The following ANTXR1 variants were observed in gnomAD, a reference collection of about 807,000 sequenced individuals.
The protein encoded by ANTXR1 is ANTXR cell adhesion molecule 1, also known as anthrax toxin receptor 1.
Under a neutral mutation model 78.1 loss-of-function variants are expected in ANTXR1, and 19 were observed. The observed-to-expected ratio is 0.24, with a 90% CI of 0.17 to 0.36. ANTXR1 has a LOEUF of 0.36. ANTXR1 is among the 10% of genes least tolerant of loss of function. The pLI is 1.00. For missense variants in ANTXR1, 518 were observed against 718.6 expected (o/e 0.72, Z 3.19); for synonymous variants, 273 against 260.5 (o/e 1.05, Z -0.46).
At chr2:69,138,931 T>C (rs1043822004) in intron 12 of ANTXR1, among the ~76,000 whole-genome samples, 1 of 152,200 alleles carries the variant, frequency 6.6e-6, no homozygotes, top group Non-Finnish European at 1.5e-5. Flanking sequence ...TAGGTATCTA[T>C]AAAGCTCAAG....
intron 1 of ANTXR1, among the ~76,000 whole-genome samples, chr2:69,025,798 C>G (rs1378400259): frequency 6.6e-6 from 1 of 152,176 alleles, no homozygotes; most frequent in Non-Finnish European, 1.5e-5. Context: ...CAGGACAGGC[C>G]TGGTCTATGC....
intron 9 of ANTXR1, among the ~76,000 whole-genome samples, chr2:69,101,902 A>G (rs1671633884): frequency 6.6e-6 from 1 of 152,240 alleles, no homozygotes; most frequent in Non-Finnish European, 1.5e-5. Flanking sequence ...AATATTCCCA[A>G]ACATTTAGCC....
intron 3 of ANTXR1, among the ~76,000 whole-genome samples, chr2:69,056,798 T>C (rs946985847): frequency 2.6e-5 from 4 of 152,098 alleles, no homozygotes; most frequent in Admixed American, 6.5e-5. Context: ...CTCAGCCTCC[T>C]GAGTAGCTGG....
chr2:69,022,807 T>G (rs1368215028), intron 1 of ANTXR1, among the ~76,000 whole-genome samples: 1 of 152,206 alleles, frequency 6.6e-6, no homozygotes, highest in East Asian at 1.9e-4. Context: ...GCACACACCT[T>G]GGAGCTGGGC....
chr2:69,150,671 A>T (rs1237915183), intron 12 of ANTXR1, among the ~76,000 whole-genome samples: 1 of 87,840 alleles, frequency 1.1e-5, no homozygotes, highest in African/African-American at 6.5e-5. Context: ...CATATACATA[A>T]ATCCATTATA....
chr2:69,236,361 T>G (rs1161651454), intron 17 of ANTXR1, among the ~76,000 whole-genome samples: 1 of 152,226 alleles, frequency 6.6e-6, no homozygotes, highest in Non-Finnish European at 1.5e-5. Context: ...TACACACATA[T>G]ATCTTTACAT....
intron 4 of ANTXR1, among the ~76,000 whole-genome samples, chr2:69,071,265 G>A (rs1032209741): frequency 6.6e-6 from 1 of 152,154 alleles, no homozygotes; most frequent in Non-Finnish European, 1.5e-5. Flanking sequence ...ATCATAGTGT[G>A]TACTTACACA....
intron 17 of ANTXR1, among the ~76,000 whole-genome samples, chr2:69,229,709 C>G (rs1384167812): frequency 6.6e-6 from 1 of 150,568 alleles, no homozygotes; most frequent in Non-Finnish European, 1.5e-5. Flanking sequence ...GACTTTCACT[C>G]ACTCAGCATG....
At chr2:69,015,533 G>A (rs184682630) in intron 1 of ANTXR1, among the ~76,000 whole-genome samples, 58 of 152,034 alleles carry the variant, frequency 3.8e-4, no homozygotes, top group African/African-American at 1.3e-3. Flanking sequence ...CTGGACAAGT[G>A]ATTGATAACA....
intron 13 of ANTXR1, among the ~76,000 whole-genome samples, chr2:69,157,622 A>G (rs1673562106): frequency 6.6e-6 from 1 of 152,136 alleles, no homozygotes; most frequent in Non-Finnish European, 1.5e-5. Flanking sequence ...TGCCTACAGC[A>G]CATCCTTTCC....
intron 10 of ANTXR1, among the ~76,000 whole-genome samples, chr2:69,106,531 A>G (rs893864580): frequency 2.0e-4 from 30 of 152,226 alleles, no homozygotes; most frequent in Non-Finnish European, 3.4e-4. Context: ...GCATCACACA[A>G]AAACAGAGCC....
intron 1 of ANTXR1, among the ~76,000 whole-genome samples, chr2:69,015,935 A>T (rs531345608): frequency 6.6e-6 from 1 of 152,178 alleles, no homozygotes; most frequent in South Asian, 2.1e-4. Flanking sequence ...TCAATAAATG[A>T]ACTAAAAAGG....
chr2:69,066,147 G>C (rs1024367980), intron 3 of ANTXR1, among the ~76,000 whole-genome samples: 4 of 152,210 alleles, frequency 2.6e-5, no homozygotes, highest in African/African-American at 9.6e-5. Flanking sequence ...GGTGATGGAG[G>C]TTGTTTTTAT....
At chr2:69,153,621 T>C (rs369485426) in intron 13 of ANTXR1, among the ~76,000 whole-genome samples, 1 of 152,204 alleles carries the variant, frequency 6.6e-6, no homozygotes, top group Non-Finnish European at 1.5e-5. Flanking sequence ...CCATTTTATT[T>C]TGAGGGTAAA....
At chr2:69,214,035 C>G (rs962300892) in intron 17 of ANTXR1, among the ~76,000 whole-genome samples, 1 of 152,252 alleles carries the variant, frequency 6.6e-6, no homozygotes, top group Non-Finnish European at 1.5e-5. Flanking sequence ...CAGGGCAGGA[C>G]AGGGGCCAGG....
intron 8 of ANTXR1, among the ~76,000 whole-genome samples, chr2:69,089,420 A>G (rs1671156972): frequency 6.6e-6 from 1 of 152,236 alleles, no homozygotes; most frequent in Non-Finnish European, 1.5e-5. Context: ...TTTTCATTCC[A>G]CAGATTGAGA....
chr2:69,115,435 T>TA (rs542929603), intron 10 of ANTXR1, among the ~76,000 whole-genome samples: 6 of 152,194 alleles, frequency 3.9e-5, no homozygotes, highest in South Asian at 2.1e-4. Flanking sequence ...GAGTGCTTAT[T>TA]AAGTGCTAAG....
chr2:69,213,819 C>T (rs72903129), intron 17 of ANTXR1, among the ~76,000 whole-genome samples: 10,167 of 152,328 alleles, frequency 0.067, 890 homozygotes, highest in East Asian at 0.37. Flanking sequence ...AGGGCCTGGA[C>T]GCCAGGAGGC....
intron 13 of ANTXR1, among the ~76,000 whole-genome samples, chr2:69,165,431 A>T (rs995443584): frequency 6.6e-6 from 1 of 152,224 alleles, no homozygotes; most frequent in African/African-American, 2.4e-5. Flanking sequence ...GTTTTGTTCC[A>T]TTTCTCATGC....
Sources: gnomAD v4.1 joint callset for allele counts (sites outside exome capture counted in the v4.1 genomes callset) on GRCh38, gnomAD v4.1.1 for gene constraint, MANE v1.5 for transcripts, NCBI Gene and HGNC (gene_info 2026-07-23, HGNC 2026-07-21) for gene names.